CRACD: variants seen among roughly 807,000 people sequenced by gnomAD.
The protein encoded by CRACD is capping protein-inhibiting regulator of actin dynamics.
CRACD carries 56 observed loss-of-function variants against 106.8 expected under a neutral mutation model. The observed-to-expected ratio is 0.52, with a 90% confidence interval of 0.42 to 0.66. The LOEUF is 0.66. CRACD is among the 30% of genes least tolerant of loss of function. CRACD has a pLI of 0.00. For missense variants in CRACD, 1,730 were observed against 1,623.2 expected (o/e 1.07, Z -1.13); for synonymous variants, 754 against 670.8 (o/e 1.12, Z -1.92).
At chr4:56,152,581 G>A (rs1318210216) in intron 1 of CRACD, among the ~76,000 whole-genome samples, 1 of 151,910 alleles carries the variant, frequency 6.6e-6, no homozygotes, top group African/African-American at 2.4e-5. Context: ...TTTAAAAAAA[G>A]CATTAATGCA....
At chr4:56,281,469 G>A (rs538851404) in intron 3 of CRACD, among the ~76,000 whole-genome samples, 2 of 152,152 alleles carry the variant, frequency 1.3e-5, no homozygotes, top group Non-Finnish European at 2.9e-5. Flanking sequence ...CAGAACAGGA[G>A]CTAGGGACCT....
chr4:56,127,522 C>T (rs1734698856), intron 1 of CRACD, among the ~76,000 whole-genome samples: 1 of 152,070 alleles, frequency 6.6e-6, no homozygotes, highest in South Asian at 2.1e-4. Context: ...TCCTAGAATT[C>T]CTTCTTCTCT....
rs529724074 is a variant in CRACD at position 56,299,891 on chromosome 4, T to C, written c.120+1542T>C. Among the ~76,000 whole-genome samples, 8 of 150,672 alleles carry C rather than the reference T, an allele frequency of 5.3e-5. No individual in the cohort carries two copies. In the South Asian group the frequency reaches 1.7e-3, roughly 32 times the overall value. On this transcript the variant is annotated intron_variant, in intron 4 of 10. Transcript: ENST00000682029. ...GAGAACAACTGCCCTCAGTAGCTAC[T>C]GATATGCTGAAGCACTGTACTCAGT...
intron 3 of CRACD, among the ~76,000 whole-genome samples, chr4:56,292,054 T>C (rs921098341): frequency 6.6e-6 from 1 of 152,166 alleles, no homozygotes; most frequent in African/African-American, 2.4e-5. Flanking sequence ...GATAGTTATA[T>C]GGACAGTGAA....
chr4:56,257,950 G>A (rs1363547398), intron 2 of CRACD, among the ~76,000 whole-genome samples: 1 of 151,756 alleles, frequency 6.6e-6, no homozygotes, highest in African/African-American at 2.4e-5. Context: ...CGTGCCTGTA[G>A]TCCTAGCTAC....
intron 10 of CRACD, among the ~76,000 whole-genome samples, chr4:56,327,244 C>T (rs1226143872): frequency 6.6e-6 from 1 of 152,158 alleles, no homozygotes; most frequent in East Asian, 1.9e-4. Flanking sequence ...TCATTCTCCT[C>T]ACTGAGGGAG....
At chr4:56,271,641 A>G (rs1230043071) in intron 2 of CRACD, among the ~76,000 whole-genome samples, 1 of 152,164 alleles carries the variant, frequency 6.6e-6, no homozygotes. Context: ...GCATTTGGCT[A>G]TCTGCTTTGT....
Position 56,277,879 on chromosome 4 carries a change from G to C in CRACD, c.-17+5387G>C, listed in dbSNP as rs643900. Among the ~76,000 whole-genome samples, 110 of 152,000 alleles carry C rather than the reference G, an allele frequency of 7.2e-4. 1 individual carries two copies. The highest frequency in any genetic ancestry group is 1.4e-3 in the Non-Finnish European group (95 of 67,936). ...GTACTCTAGCAATTTATAATCTAAA[G>C]ATGACCCTAGGAAAACAATTCCATT... On this transcript the variant is annotated intron_variant, in intron 3 of 10. Coordinates refer to ENST00000682029, the MANE Select transcript of CRACD (RefSeq NM_001393381.1).
At chr4:56,240,562 T>C (rs1740304228) in intron 2 of CRACD, among the ~76,000 whole-genome samples, 3 of 152,172 alleles carry the variant, frequency 2.0e-5, no homozygotes. Flanking sequence ...AACAGTGCAG[T>C]AGCGTGATCA....
chr4:56,222,853 G>T (rs186034647), intron 2 of CRACD, among the ~76,000 whole-genome samples: 10 of 152,016 alleles, frequency 6.6e-5, no homozygotes, highest in African/African-American at 2.4e-4. Flanking sequence ...GTGTGCGCCT[G>T]TAATCCGGCT....
At chr4:56,223,418 G>A (rs749337950) in intron 2 of CRACD, among the ~76,000 whole-genome samples, 1 of 152,138 alleles carries the variant, frequency 6.6e-6, no homozygotes, top group Non-Finnish European at 1.5e-5. Flanking sequence ...CATATGTGGT[G>A]TGTTCTTCCA....
At chr4:56,313,941 T>C (rs1437913381) in intron 7 of CRACD, 99 bp from the exon 8 acceptor site, 8 of 1,475,960 alleles carry the variant, frequency 5.4e-6, no homozygotes, top group African/African-American at 2.8e-5. Context: ...CCAGGTGTTC[T>C]TGAGAAATTA....
intron 2 of CRACD, among the ~76,000 whole-genome samples, chr4:56,217,425 G>A (rs981956221): frequency 1.3e-5 from 2 of 152,170 alleles, no homozygotes; most frequent in East Asian, 3.9e-4. Flanking sequence ...TCCAGAAAGG[G>A]GGAGGTGGGG....
Position 56,310,738 on chromosome 4 carries a change from A to G in CRACD, c.354+4A>G. On this transcript the variant is annotated splice_donor_region_variant and intron_variant, in intron 6 of 10. Transcript: ENST00000682029. ...TGGAAGTGAGATGGAAGAGAAGGTA[A>G]TATGATTTGAACTTATTTATTTGGC... The G allele has an allele frequency of 6.3e-7, 1 of 1,594,450 alleles. No individual in the cohort carries two copies. The highest frequency in any genetic ancestry group is 8.6e-7 in the Non-Finnish European group (1 of 1,162,450).
chr4:56,191,672 C>T (rs977249269), intron 2 of CRACD, among the ~76,000 whole-genome samples: 4 of 152,238 alleles, frequency 2.6e-5, no homozygotes, highest in African/African-American at 9.6e-5. Flanking sequence ...TGTTCTGCGG[C>T]AGCACTGCCT....
intron 8 of CRACD, chr4:56,321,124 CT>C: frequency 5.1e-6 from 1 of 196,716 alleles, no homozygotes; most frequent in Admixed American, 5.2e-5. Flanking sequence ...TTTTAGTTTT[CT>C]TTGGTATTGG....
chr4:56,280,258 C>A (rs1453824739), intron 3 of CRACD, among the ~76,000 whole-genome samples: 1 of 150,896 alleles, frequency 6.6e-6, no homozygotes, highest in East Asian at 1.9e-4. Context: ...CAAACGTGCA[C>A]GTTGTGCACA....
At chr4:56,299,907 T>G (rs1469817245) in intron 4 of CRACD, among the ~76,000 whole-genome samples, 2 of 151,142 alleles carry the variant, frequency 1.3e-5, no homozygotes, top group Admixed American at 1.3e-4. Flanking sequence ...GCTGAAGCAC[T>G]GTACTCAGTA....
At chr4:56,082,926 GTAGAAAA>G (rs1733084971) in intron 1 of CRACD, among the ~76,000 whole-genome samples, 1 of 151,954 alleles carries the variant, frequency 6.6e-6, no homozygotes, top group Non-Finnish European at 1.5e-5. Context: ...AATTGAAGGA[GTAGAAAA>G]TAGAAACAGG....
Sources: allele counts gnomAD v4.1 joint callset (sites outside exome capture counted in the v4.1 genomes callset), GRCh38; gene constraint gnomAD v4.1.1; transcripts MANE v1.5; gene names NCBI Gene and HGNC (gene_info 2026-07-23, HGNC 2026-07-21).